The following GTF2IRD1 variants were observed in gnomAD, a reference collection of about 807,000 sequenced individuals.
GTF2IRD1 encodes general transcription factor II-I repeat domain-containing protein 1.
GTF2IRD1 carries 26 observed loss-of-function variants against 113.2 expected under a neutral mutation model. The observed-to-expected ratio is 0.23, with a 90% CI of 0.17 to 0.32. GTF2IRD1 has a LOEUF of 0.32. GTF2IRD1 is among the 10% of genes least tolerant of loss of function. The pLI is 1.00. For synonymous variants in GTF2IRD1, 484 were observed against 529.1 expected, an observed-to-expected ratio of 0.91 and a Z score of 1.17; for missense variants, 864 against 1,280.8, an observed-to-expected ratio of 0.67 and a Z score of 4.97.
In GTF2IRD1 at chr7:74,558,879, A is replaced by G; in HGVS notation, c.2126A>G (p.Lys709Arg). The G allele has an allele frequency of 6.2e-7, 1 of 1,613,212 alleles. No homozygotes were observed. The highest frequency in any genetic ancestry group is 8.5e-7 in the Non-Finnish European group (1 of 1,179,560). ...CCCACAGGGGAAGCCTTGGGCATCAAGTACCCGGTCCAGGTCCCCTACAAG... is the reference window on the plus strand; with the variant it reads ...CCCACAGGGGAAGCCTTGGGCATCAGGTACCCGGTCCAGGTCCCCTACAAG... The part of the protein sequence containing the change: ...NKKYGEALGI[K>R]YPVQVPYKRI... The change falls in exon 21 of 27, where the codon AAG (lysine) becomes AGG (arginine). Residue 709 changes from lysine (K) to arginine (R), a missense_variant. Transcript: ENST00000424337.
chr7:74,576,617 C>CTTTTTTTTTTTTTTTTT lies in GTF2IRD1; in HGVS notation c.2321-13218_2321-13202dup, dbSNP rs1165378230. On this transcript the variant is annotated intron_variant, in intron 22 of 26. Coordinates refer to ENST00000424337, the MANE Select transcript of GTF2IRD1 (RefSeq NM_005685.4). ...TCTAGGGGAAAATCTATTTCCTTGT[C>CTTTTTTTTTTTTTTTTT]TTTTTTTTTTTTTTTTTTTTTTTTT... 6.1e-5 allele frequency among the ~76,000 whole-genome samples: 3 copies of CTTTTTTTTTTTTTTTTT among 49,350 alleles called. 1 individual carries two copies. The highest frequency in any genetic ancestry group is 8.5e-5 in the African/African-American group (1 of 11,732). 32.4% of individuals were successfully genotyped at this position (49,350 alleles called of 152,430 possible). A position where few individuals can be genotyped will look rare whatever the true frequency, so the allele number is the denominator to read the frequency against.
chr7:74,593,114 C>T (rs768901608), intron 24 of GTF2IRD1, among the ~76,000 whole-genome samples: 4 of 151,890 alleles, frequency 2.6e-5, no homozygotes, highest in Non-Finnish European at 4.4e-5. Context: ...ACCTTGGCCT[C>T]CCAAAGTACT....
chr7:74,509,148 G>A (rs1396098193), intron 2 of GTF2IRD1, among the ~76,000 whole-genome samples: 3 of 152,078 alleles, frequency 2.0e-5, no homozygotes, highest in Non-Finnish European at 4.4e-5. Flanking sequence ...TTTGGGGTCA[G>A]GAGTTCGAGA....
chr7:74,526,801 G>T (rs1013943029), intron 8 of GTF2IRD1, among the ~76,000 whole-genome samples: 7 of 152,136 alleles, frequency 4.6e-5, no homozygotes, highest in African/African-American at 1.4e-4. Context: ...GTGGGAGGTG[G>T]GGGGGAAGTG....
chr7:74,590,732 G>A (rs1205718751), intron 23 of GTF2IRD1, 93 bp from the exon 24 acceptor site: 6 of 812,744 alleles, frequency 7.4e-6, no homozygotes, highest in Non-Finnish European at 9.6e-6. Context: ...ATGGCTGCTG[G>A]GCTAGGGCAG....
chr7:74,559,621 T>C lies in GTF2IRD1; in HGVS notation c.2292-6T>C. The stretch of plus-strand genomic sequence containing the variant: ...CATGACACCCCTGCCTCTGTTTCTC[T>C]TCTAGGCCTTTCCAAGGACTCATCC... On this transcript the variant is annotated splice_polypyrimidine_tract_variant and splice_region_variant and intron_variant, in intron 21 of 26. Transcript: ENST00000424337. 6.3e-7 allele frequency: 1 copy of C among 1,591,526 alleles called. No homozygotes were observed. Among genetic ancestry groups the C allele is most frequent in the Non-Finnish European group, 8.6e-7 (1 of 1,169,304 alleles).
At chr7:74,560,226 G>T (rs1799865010) in intron 22 of GTF2IRD1, among the ~76,000 whole-genome samples, 1 of 152,066 alleles carries the variant, frequency 6.6e-6, no homozygotes, top group East Asian at 1.9e-4. Flanking sequence ...CCCAGTCTGG[G>T]TTCAGGAGGG....
intron 8 of GTF2IRD1, among the ~76,000 whole-genome samples, chr7:74,524,514 C>A (rs903396956): frequency 6.6e-6 from 1 of 152,032 alleles, no homozygotes; most frequent in Non-Finnish European, 1.5e-5. Context: ...CACCTGAGGC[C>A]GGGAGTTCAA....
At chr7:74,527,974 G>T (rs1308679717) in intron 8 of GTF2IRD1, among the ~76,000 whole-genome samples, 2 of 152,182 alleles carry the variant, frequency 1.3e-5, no homozygotes, top group Non-Finnish European at 2.9e-5. Flanking sequence ...TGTCTGCTTG[G>T]CTGTTGGCAG....
Position 74,539,217 on chromosome 7 carries a change from G to A in GTF2IRD1, c.1528+457G>A, listed in dbSNP as rs185440022. ...TCCTGGCATTTTGGGTGGCTGACACGGGAGGATGGCTTGAGGCCAGGAGTT... is the reference window on the plus strand; with the variant it reads ...TCCTGGCATTTTGGGTGGCTGACACAGGAGGATGGCTTGAGGCCAGGAGTT... On this transcript the variant is annotated intron_variant, in intron 13 of 26. Coordinates refer to ENST00000424337, the MANE Select transcript of GTF2IRD1 (RefSeq NM_005685.4). 3.9e-5 allele frequency among the ~76,000 whole-genome samples: 6 copies of A among 152,252 alleles called. No individual in the cohort carries two copies. The East Asian group carries it at 1.2e-3, about 29-fold the overall frequency.
chr7:74,569,271 T>G (rs1800540547), intron 22 of GTF2IRD1, among the ~76,000 whole-genome samples: 1 of 152,220 alleles, frequency 6.6e-6, no homozygotes, highest in Non-Finnish European at 1.5e-5. Context: ...TGCCAGACCC[T>G]GTGCTGTGGG....
intron 1 of GTF2IRD1, among the ~76,000 whole-genome samples, chr7:74,459,913 C>T (rs1362454480): frequency 2.0e-5 from 3 of 150,218 alleles, no homozygotes; most frequent in African/African-American, 4.9e-5. Flanking sequence ...TCAGTGGAGG[C>T]CCCGGGGATG....
chr7:74,544,796 G>T lies in GTF2IRD1; in HGVS notation c.1660G>T (p.Val554Leu). The T allele has an allele frequency of 6.2e-7, 1 of 1,613,602 alleles. No individual in the cohort carries two copies. The highest frequency in any genetic ancestry group is 8.5e-7 in the Non-Finnish European group (1 of 1,179,578). ...SEDARPEERP[V>L]EDSHGDVIRP... ...GGACGCGCGGCCCGAGGAGAGGCCC[G>T]TGGAGGGTGAGGCCCTGTCTACCCC... The change falls in exon 15 of 27, where the codon GTG (valine) becomes TTG (leucine). Residue 554 changes from valine (V) to leucine (L), a missense_variant. Val to Leu is a conservative substitution (Grantham distance 32). Transcript: ENST00000424337.
At chr7:74,525,580 C>T (rs587644973) in intron 8 of GTF2IRD1, among the ~76,000 whole-genome samples, 14 of 152,124 alleles carry the variant, frequency 9.2e-5, no homozygotes, top group Admixed American at 2.6e-4. Flanking sequence ...GGTGAAACCC[C>T]GTCTCTACAA....
intron 1 of GTF2IRD1, among the ~76,000 whole-genome samples, chr7:74,459,982 T>C (rs966799029): frequency 1.1e-4 from 17 of 151,870 alleles, no homozygotes; most frequent in African/African-American, 4.1e-4. Flanking sequence ...TTTTTTTTTT[T>C]TAATTTGTAT....
At chr7:74,537,306 G>A (rs187016113) in intron 11 of GTF2IRD1, among the ~76,000 whole-genome samples, 56 of 152,046 alleles carry the variant, frequency 3.7e-4, no homozygotes, top group African/African-American at 1.2e-3. Context: ...CCAGCCACTC[G>A]GGAGGTTGAG....
At chr7:74,586,389 G>A (rs1423342448) in intron 22 of GTF2IRD1, among the ~76,000 whole-genome samples, 1 of 152,144 alleles carries the variant, frequency 6.6e-6, no homozygotes, top group Non-Finnish European at 1.5e-5. Context: ...TCTTTGTGTG[G>A]CTGAATTAGA....
intron 11 of GTF2IRD1, among the ~76,000 whole-genome samples, chr7:74,537,668 G>T (rs782487328): frequency 1.3e-5 from 2 of 152,026 alleles, no homozygotes; most frequent in Non-Finnish European, 2.9e-5. Context: ...ATCATATCAG[G>T]CCTCTCCCTG....
chr7:74,495,053 C>G (rs898814384), intron 1 of GTF2IRD1, among the ~76,000 whole-genome samples: 1 of 152,222 alleles, frequency 6.6e-6, no homozygotes, highest in Non-Finnish European at 1.5e-5. Flanking sequence ...CACACCTGGC[C>G]TAAGAATGTA....
Sources: gnomAD v4.1 joint callset for allele counts (sites outside exome capture counted in the v4.1 genomes callset) on GRCh38, gnomAD v4.1.1 for gene constraint, MANE v1.5 for transcripts, NCBI Gene and HGNC (gene_info 2026-07-23, HGNC 2026-07-21) for gene names.